CDH18: variants seen among roughly 807,000 people sequenced by gnomAD.
CDH18 encodes the protein cadherin-18.
Under a neutral mutation model 67.9 loss-of-function variants are expected in CDH18, and 31 were observed. The ratio of observed to expected loss-of-function variants is 0.46; its 90% CI spans 0.34 to 0.62. The LOEUF (loss-of-function observed/expected upper bound fraction) is 0.62. CDH18 is among the 20% of genes least tolerant of loss of function. The probability of loss-of-function intolerance (pLI) is 0.01; values close to 1 mark genes in which losing one functional copy is unlikely to be tolerated. For missense variants in CDH18, 890 were observed against 975.5 expected (o/e 0.91, Z 1.17); for synonymous variants, 362 against 347.2 (o/e 1.04, Z -0.48).
At chr5:20,573,720 T>G (rs1758935751) in intron 1 of CDH18, among the ~76,000 whole-genome samples, 3 of 149,336 alleles carry the variant, frequency 2.0e-5, no homozygotes, top group African/African-American at 7.3e-5. Context: ...ACTGCAACAA[T>G]ATACATAAAT....
At chr5:19,525,911 A>G (rs532997157) in intron 9 of CDH18, among the ~76,000 whole-genome samples, 20 of 152,258 alleles carry the variant, frequency 1.3e-4, no homozygotes, top group African/African-American at 4.8e-4. Context: ...CACTATTTCT[A>G]TTATTGTTAT....
At chr5:20,375,493 C>G (rs1743340321) in intron 1 of CDH18, among the ~76,000 whole-genome samples, 1 of 152,136 alleles carries the variant, frequency 6.6e-6, no homozygotes, top group East Asian at 1.9e-4. Context: ...ACTATAGACA[C>G]TACAATAACA....
intron 6 of CDH18, among the ~76,000 whole-genome samples, chr5:19,594,221 G>A (rs1247348451): frequency 6.6e-6 from 1 of 151,932 alleles, no homozygotes; most frequent in Non-Finnish European, 1.5e-5. Flanking sequence ...GGTGCATCTT[G>A]GCTCACTGCA....
chr5:19,768,441 G>T (rs555423878), intron 3 of CDH18, among the ~76,000 whole-genome samples: 1 of 152,198 alleles, frequency 6.6e-6, no homozygotes, highest in African/African-American at 2.4e-5. Flanking sequence ...AAGTTTAAAA[G>T]ACATACAAAG....
At chr5:20,097,675 T>C (rs1320786184) in intron 2 of CDH18, among the ~76,000 whole-genome samples, 1 of 152,296 alleles carries the variant, frequency 6.6e-6, no homozygotes, top group East Asian at 1.9e-4. Flanking sequence ...CGTGATTAAA[T>C]TGTCATTTGC....
At chr5:20,005,528 G>A (rs2150407533) in intron 2 of CDH18, among the ~76,000 whole-genome samples, 1 of 151,474 alleles carries the variant, frequency 6.6e-6, no homozygotes, top group Admixed American at 6.6e-5. Context: ...TTAGGAGACT[G>A]TTCTTTGTCA....
chr5:20,391,804 C>T (rs1744884914), intron 1 of CDH18, among the ~76,000 whole-genome samples: 1 of 151,922 alleles, frequency 6.6e-6, no homozygotes, highest in Admixed American at 6.6e-5. Context: ...TATAAATTTT[C>T]CATAAATTAG....
chr5:20,283,468 A>T (rs1257857671), intron 1 of CDH18, among the ~76,000 whole-genome samples: 1 of 152,104 alleles, frequency 6.6e-6, no homozygotes, highest in East Asian at 1.9e-4. Context: ...TCAAAAGAAG[A>T]CACACAAATG....
chr5:19,613,457 TA>T (rs1185884554), intron 5 of CDH18, among the ~76,000 whole-genome samples: 19 of 152,276 alleles, frequency 1.2e-4, no homozygotes, highest in African/African-American at 4.6e-4. Flanking sequence ...AAAACAACTT[TA>T]AGGAGAACTA....
chr5:20,343,248 C>A (rs1317300019), intron 1 of CDH18, among the ~76,000 whole-genome samples: 2 of 152,092 alleles, frequency 1.3e-5, no homozygotes, highest in Admixed American at 6.6e-5. Context: ...TCACAATGTT[C>A]CTAGAAGTAA....
chr5:20,505,217 G>A (rs185930819), intron 1 of CDH18, among the ~76,000 whole-genome samples: 1 of 152,210 alleles, frequency 6.6e-6, no homozygotes, highest in African/African-American at 2.4e-5. Flanking sequence ...ATCCTGTGAA[G>A]ATTCTAAACA....
intron 3 of CDH18, among the ~76,000 whole-genome samples, chr5:19,764,123 C>G (rs542370256): frequency 6.8e-6 from 1 of 147,648 alleles, no homozygotes; most frequent in Admixed American, 6.8e-5. Context: ...TAGCCAAGAT[C>G]GTGCCACTGT....
intron 8 of CDH18, among the ~76,000 whole-genome samples, chr5:19,570,766 C>A (rs920834724): frequency 1.2e-4 from 18 of 152,132 alleles, no homozygotes; most frequent in African/African-American, 3.4e-4. Flanking sequence ...ATCTCTCCAG[C>A]ATGATGTACT....
chr5:20,233,687 C>A (rs1381808124), intron 2 of CDH18, among the ~76,000 whole-genome samples: 1 of 151,820 alleles, frequency 6.6e-6, no homozygotes, highest in Non-Finnish European at 1.5e-5. Flanking sequence ...AATTTATTTT[C>A]TTTATTGTAT....
intron 6 of CDH18, among the ~76,000 whole-genome samples, chr5:19,599,450 T>G (rs1466802844): frequency 6.6e-6 from 1 of 152,212 alleles, no homozygotes; most frequent in Non-Finnish European, 1.5e-5. Flanking sequence ...TTTATGAATA[T>G]AAAAATATTC....
At chr5:20,481,094 C>T (rs1209466472) in intron 1 of CDH18, among the ~76,000 whole-genome samples, 1 of 151,466 alleles carries the variant, frequency 6.6e-6, no homozygotes, top group Non-Finnish European at 1.5e-5. Flanking sequence ...TTGCCTTCAA[C>T]ACAGTTCACC....
chr5:19,699,634 G>GTGTGTC (rs796924497), intron 5 of CDH18, among the ~76,000 whole-genome samples: 25,028 of 131,626 alleles, frequency 0.19, 2,342 homozygotes, highest in East Asian at 0.4. Flanking sequence ...GTGTGTGTGT[G>GTGTGTC]TGTGTGTCTG....
At chr5:20,264,815 G>T (rs1303611928) in intron 1 of CDH18, among the ~76,000 whole-genome samples, 4 of 152,018 alleles carry the variant, frequency 2.6e-5, no homozygotes, top group African/African-American at 9.7e-5. Flanking sequence ...TTCTTTGACA[G>T]ACTGGGTACA....
chr5:20,454,022 T>C (rs554682492), intron 1 of CDH18, among the ~76,000 whole-genome samples: 1 of 152,258 alleles, frequency 6.6e-6, no homozygotes, highest in African/African-American at 2.4e-5. Context: ...TGAAGAGGAA[T>C]AAATAGAATA....
Sources: gnomAD v4.1 joint callset for allele counts (sites outside exome capture counted in the v4.1 genomes callset) on GRCh38, gnomAD v4.1.1 for gene constraint, MANE v1.5 for transcripts, NCBI Gene and HGNC (gene_info 2026-07-23, HGNC 2026-07-21) for gene names.